KIF11: variants seen among roughly 807,000 people sequenced by gnomAD.
KIF11 encodes the protein kinesin family member 11, also known as kinesin-like protein KIF11.
In KIF11, 9 loss-of-function variants were observed where a neutral mutation model predicts 121.0. The ratio of observed to expected loss-of-function variants is 0.07; its 90% confidence interval spans 0.04 to 0.13. KIF11 has a LOEUF of 0.13. KIF11 is among the 10% of genes least tolerant of loss of function. The pLI is 1.00. For synonymous variants in KIF11, 408 were observed against 421.0 expected (o/e 0.97, Z 0.38); for missense variants, 846 against 1,217.5 (o/e 0.69, Z 4.54).
chr10:92,593,212 C>T lies in KIF11; in HGVS notation c.-164C>T. ...GGGACAAACGCCACGGCCAGAGTAC[C>T]GGGTAGAGAGCGGGGACGCCGACCT... is the stretch of plus-strand genomic sequence containing the variant. On this transcript the variant is annotated 5_prime_UTR_variant, in exon 1 of 22. Transcript: ENST00000260731. The T allele has an allele frequency of 3.2e-6, 2 of 629,482 alleles. No homozygotes were observed. The highest frequency in any genetic ancestry group is 2.0e-5 in the South Asian group (1 of 50,316). 39.0% of individuals were successfully genotyped at this position (629,482 alleles called of 1,614,324 possible).
chr10:92,617,828 C>T (rs1472017525), intron 9 of KIF11, among the ~76,000 whole-genome samples: 1 of 152,094 alleles, frequency 6.6e-6, no homozygotes, highest in Non-Finnish European at 1.5e-5. Context: ...CAACCTCCGC[C>T]TCCCAGGTTC....
chr10:92,593,808 C>T (rs1438200825), intron 1 of KIF11, among the ~76,000 whole-genome samples: 5 of 152,146 alleles, frequency 3.3e-5, no homozygotes, highest in East Asian at 1.9e-4. Flanking sequence ...GGTATTATTA[C>T]CTCTAAAAAG....
rs148317619 is a variant in KIF11 at position 92,597,511 on chromosome 10, C to A, written c.77+4059C>A. ...AACTACTGGCCTCAAGTGATCCACC[C>A]ATTTTGGCCTCCCAAAGTGCTGGGA... On this transcript the variant is annotated intron_variant, in intron 1 of 21. Transcript: ENST00000260731. Among the ~76,000 whole-genome samples, 1,460 of 152,140 alleles carry A rather than the reference C, an allele frequency of 9.6e-3. 16 individuals carry two copies. Among genetic ancestry groups the A allele is most frequent in the Admixed American group, 0.02 (307 of 15,284 alleles).
intron 1 of KIF11, among the ~76,000 whole-genome samples, chr10:92,596,078 A>C (rs921918379): frequency 1.3e-5 from 2 of 152,038 alleles, no homozygotes; most frequent in Non-Finnish European, 2.9e-5. Context: ...CTTGGCTCAC[A>C]CTGCAAGCTC....
intron 4 of KIF11, among the ~76,000 whole-genome samples, chr10:92,607,621 G>A (rs1445982962): frequency 6.6e-6 from 1 of 152,116 alleles, no homozygotes; most frequent in Admixed American, 6.6e-5. Flanking sequence ...TATTCATGAT[G>A]ATCCTAAGTG....
chr10:92,613,349 CT>C lies in KIF11; in HGVS notation c.790-23del. ...TTTGAATCCAAATCCAATAGACTCA[CT>C]TTTTATTTTTATTTTTAAAATTAAA... is the stretch of plus-strand genomic sequence containing the variant. On this transcript the variant is annotated intron_variant, in intron 7 of 21. Transcript: ENST00000260731. This position sits in a 1 kb window ranked among gnomAD's most constrained non-coding sequence, Gnocchi z 4.2. 6.7e-7 allele frequency: 1 copy of C among 1,501,236 alleles called. No individual in the cohort carries two copies. The highest frequency in any genetic ancestry group is 9.0e-7 in the Non-Finnish European group (1 of 1,108,606). 93.0% of individuals were successfully genotyped at this position (1,501,236 alleles called of 1,614,324 possible).
intron 21 of KIF11, among the ~76,000 whole-genome samples, chr10:92,651,983 TA>T (rs1241204294): frequency 6.0e-5 from 7 of 117,156 alleles, no homozygotes; most frequent in Admixed American, 2.8e-4. Flanking sequence ...TTTTTTTTTT[TA>T]AATATATATA....
At chr10:92,597,266 C>T in intron 1 of KIF11, 1 of 233,838 alleles carries the variant, frequency 4.3e-6, no homozygotes, top group Admixed American at 4.1e-5. Flanking sequence ...TCTCCAGTCT[C>T]CTCCATACAG....
chr10:92,610,755 A>G (rs1352862590), intron 6 of KIF11, among the ~76,000 whole-genome samples: 1 of 152,198 alleles, frequency 6.6e-6, no homozygotes. Context: ...GAAAATTTCT[A>G]TAAAATGCCA....
rs539730710 is a variant in KIF11 at position 92,641,238 on chromosome 10, TGAGTA to T, written c.2267+1339_2267+1343del. On this transcript the variant is annotated intron_variant, in intron 17 of 21. Transcript: ENST00000260731. ...TGTCAAGTTTCAGTTTTTTGCCTATTGAGTATTCTATACTCATGAGGAGAAAGATA... is the reference window on the plus strand; with the variant it reads ...TGTCAAGTTTCAGTTTTTTGCCTATTTTCTATACTCATGAGGAGAAAGATA... 3.3e-3 allele frequency among the ~76,000 whole-genome samples: 505 copies of T among 152,368 alleles called. 1 individual carries two copies. Among genetic ancestry groups the T allele is most frequent in the African/African-American group, 0.012 (491 of 41,586 alleles).
intron 6 of KIF11, 137 bp from the exon 7 acceptor site, chr10:92,612,903 A>T: frequency 1.8e-6 from 1 of 564,342 alleles, no homozygotes; most frequent in Non-Finnish European, 3.2e-6. Flanking sequence ...CTTCCAAAAT[A>T]TTCTTGATAT....
intron 6 of KIF11, among the ~76,000 whole-genome samples, chr10:92,610,416 A>G (rs1052624146): frequency 1.1e-4 from 17 of 152,270 alleles, no homozygotes; most frequent in African/African-American, 4.1e-4. Flanking sequence ...CACTCTATTC[A>G]TTGAGATATA....
intron 18 of KIF11, among the ~76,000 whole-genome samples, chr10:92,646,059 C>T (rs1474684214): frequency 1.3e-5 from 2 of 149,770 alleles, no homozygotes; most frequent in African/African-American, 4.9e-5. Flanking sequence ...TCAAGCGATT[C>T]TCCTGCCTCA....
At chr10:92,596,774 T>C (rs564145124) in intron 1 of KIF11, 2 of 153,100 alleles carry the variant, frequency 1.3e-5, no homozygotes, top group African/African-American at 4.8e-5. Flanking sequence ...TTCAGATACA[T>C]AAACGGCAAA....
intron 1 of KIF11, among the ~76,000 whole-genome samples, chr10:92,603,031 C>T (rs926964461): frequency 1.3e-5 from 2 of 151,354 alleles, no homozygotes; most frequent in Non-Finnish European, 2.9e-5. Flanking sequence ...ATTTCACACA[C>T]ACATTTAAAA....
intron 21 of KIF11, among the ~76,000 whole-genome samples, chr10:92,651,484 T>A (rs1844978886): frequency 1.4e-5 from 2 of 138,418 alleles, no homozygotes; most frequent in African/African-American, 5.2e-5. Context: ...TACAGGCATG[T>A]GCCACCATGC....
Position 92,593,249 on chromosome 10 carries a change from TCCTCCA to T in KIF11, c.-126_-121del. Reference sequence around the variant, plus strand: ...GGGGACGCCGACCTGCGTGCGTCGGTCCTCCAGGCCACGCCAGCGCCCGAGAGGGAC... The same window carrying T: ...GGGGACGCCGACCTGCGTGCGTCGGTGGCCACGCCAGCGCCCGAGAGGGAC... On this transcript the variant is annotated 5_prime_UTR_variant, in exon 1 of 22. Coordinates refer to ENST00000260731, the MANE Select transcript of KIF11 (RefSeq NM_004523.4). The T allele has an allele frequency of 3.5e-6, 3 of 867,452 alleles. No homozygotes were observed. Among genetic ancestry groups the T allele is most frequent in the African/African-American group, 1.7e-5 (1 of 58,286 alleles). 53.7% of individuals were successfully genotyped at this position (867,452 alleles called of 1,614,324 possible). A position where few individuals can be genotyped will look rare whatever the true frequency, so the allele number is the denominator to read the frequency against.
intron 10 of KIF11, among the ~76,000 whole-genome samples, chr10:92,626,333 G>T (rs372776686): frequency 6.6e-6 from 1 of 152,190 alleles, no homozygotes; most frequent in East Asian, 1.9e-4. Flanking sequence ...TCAATAAATG[G>T]TGCTGGGATA....
chr10:92,616,341 G>A (rs1844557503), intron 8 of KIF11, among the ~76,000 whole-genome samples: 1 of 151,652 alleles, frequency 6.6e-6, no homozygotes, highest in East Asian at 1.9e-4. Context: ...GGGACTATAG[G>A]CACATACTAC....
Sources: allele counts gnomAD v4.1 joint callset (sites outside exome capture counted in the v4.1 genomes callset), GRCh38; gene constraint gnomAD v4.1.1; non-coding constraint Gnocchi (gnomAD v3.1); transcripts MANE v1.5; gene names NCBI Gene and HGNC (gene_info 2026-07-23, HGNC 2026-07-21).